ARHGAP35: variants seen among roughly 807,000 people sequenced by gnomAD.
ARHGAP35 encodes rho GTPase-activating protein 35.
Under a neutral mutation model 111.1 loss-of-function variants are expected in ARHGAP35, and 15 were observed. The observed-to-expected ratio is 0.13, with a 90% CI of 0.09 to 0.21. ARHGAP35 has a LOEUF of 0.21. Among genes scored for constraint, ARHGAP35 ranks in the 10% least tolerant of loss-of-function variants. The pLI is 1.00. For synonymous variants in ARHGAP35, 643 were observed against 710.3 expected (o/e 0.91, Z 1.51); for missense variants, 1,262 against 1,873.0 (o/e 0.67, Z 6.02).
At chr19:46,935,013 T>A (rs2056298225) in intron 2 of ARHGAP35, among the ~76,000 whole-genome samples, 1 of 152,228 alleles carries the variant, frequency 6.6e-6, no homozygotes, top group Admixed American at 6.5e-5. Context: ...TAGAAGATGC[T>A]AGAGACACAG....
chr19:46,940,604 CTT>C lies in ARHGAP35; in HGVS notation c.3826+3211_3826+3212del, dbSNP rs112571284. Reference sequence around the variant, plus strand: ...GTTCCTCAGCTTAGCTTTGTTTTCCCTTTTTTTTTTTTTTTTAATTTTTTGTA... The same window carrying C: ...GTTCCTCAGCTTAGCTTTGTTTTCCCTTTTTTTTTTTTTTAATTTTTTGTA... On this transcript the variant is annotated intron_variant, in intron 3 of 6. Transcript: ENST00000672722. Among the ~76,000 whole-genome samples, 746 of 139,904 alleles carry C rather than the reference CTT, an allele frequency of 5.3e-3. 9 individuals are homozygous for C. The highest frequency in any genetic ancestry group is 0.019 in the African/African-American group (723 of 38,394). 91.8% of individuals were successfully genotyped at this position (139,904 alleles called of 152,430 possible). A position where few individuals can be genotyped will look rare whatever the true frequency, so the allele number is the denominator to read the frequency against.
chr19:46,977,229 C>A (rs1159233252), intron 3 of ARHGAP35, among the ~76,000 whole-genome samples: 3 of 152,198 alleles, frequency 2.0e-5, no homozygotes, highest in Non-Finnish European at 4.4e-5. Flanking sequence ...GGTCTGGAGA[C>A]CAGACTTAAC....
intron 3 of ARHGAP35, among the ~76,000 whole-genome samples, chr19:46,959,381 T>C (rs1395891116): frequency 6.6e-6 from 1 of 151,012 alleles, no homozygotes; most frequent in Non-Finnish European, 1.5e-5. Context: ...TATTTATTTT[T>C]ATTTTATTTT....
rs1202067077 is a variant in ARHGAP35, at chr19:46,942,331, C to T, written c.3826+4923C>T. ...GCTTTCAACATTTTTTTAACATAGC[C>T]CTCTTAGATGAGGCAGAAGAGGCCG... On this transcript the variant is annotated intron_variant, in intron 3 of 6. Coordinates refer to ENST00000672722, the MANE Select transcript of ARHGAP35 (RefSeq NM_004491.5). Among the ~76,000 whole-genome samples, 8 of 151,952 alleles carry T rather than the reference C, an allele frequency of 5.3e-5. 1 individual carries two copies. The East Asian group carries it at 1.2e-3, about 22-fold the overall frequency.
intron 1 of ARHGAP35, among the ~76,000 whole-genome samples, chr19:46,912,394 G>C (rs2056141891): frequency 6.7e-6 from 1 of 150,038 alleles, no homozygotes; most frequent in Admixed American, 6.7e-5. Context: ...TTGCTCTGTC[G>C]CCCAGGCTGG....
chr19:46,883,947 C>T (rs1279856438), intron 1 of ARHGAP35, among the ~76,000 whole-genome samples: 2 of 151,940 alleles, frequency 1.3e-5, no homozygotes, highest in East Asian at 1.9e-4. Flanking sequence ...CCTACCTACT[C>T]GGGAGGCTGA....
At chr19:46,885,526 C>CCCT (rs1034084538) in intron 1 of ARHGAP35, among the ~76,000 whole-genome samples, 8 of 152,078 alleles carry the variant, frequency 5.3e-5, no homozygotes, top group African/African-American at 1.9e-4. Context: ...CTGCCCACCT[C>CCCT]CCTCCTCTCT....
intron 3 of ARHGAP35, among the ~76,000 whole-genome samples, chr19:46,941,752 G>C (rs1206478266): frequency 1.3e-5 from 2 of 150,684 alleles, no homozygotes; most frequent in Non-Finnish European, 3.0e-5. Flanking sequence ...TGGAGACAAA[G>C]TCTCACTATG....
chr19:46,890,770 T>G (rs1022369448), intron 1 of ARHGAP35, among the ~76,000 whole-genome samples: 1 of 152,240 alleles, frequency 6.6e-6, no homozygotes, highest in South Asian at 2.1e-4. Flanking sequence ...GACACATGTA[T>G]TCAAATGGAA....
At chr19:46,987,824 T>G (rs1480204874) in intron 3 of ARHGAP35, among the ~76,000 whole-genome samples, 165 bp from the exon 4 acceptor site, 1 of 152,172 alleles carries the variant, frequency 6.6e-6, no homozygotes. Flanking sequence ...GTCAGATGGG[T>G]TGAAGCATCT....
chr19:46,942,637 C>CAAAT (rs970729952), intron 3 of ARHGAP35, among the ~76,000 whole-genome samples: 10 of 149,678 alleles, frequency 6.7e-5, no homozygotes, highest in Admixed American at 2.0e-4. Context: ...ACTCTGTCTC[C>CAAAT]AAATAAATAA....
In ARHGAP35 at chr19:46,919,380, C is replaced by T. The variant is rs369569752; in HGVS notation, c.705C>T (p.Asn235=). ...VVETSARSNV[N]VDLAFSTLVQ... ...AGACCTCAGCGAGATCCAATGTAAA[C>T]GTGGACTTGGCTTTCAGCACCTTAG... Residue 235 remains asparagine (N), a synonymous_variant, in exon 2 of 7, where the codon AAC becomes AAT. Coordinates refer to ENST00000672722, the MANE Select transcript of ARHGAP35 (RefSeq NM_004491.5). This position sits in a 1 kb window ranked among gnomAD's most constrained non-coding sequence, Gnocchi z 6.2. The T allele has an allele frequency of 2.2e-4, 356 of 1,613,892 alleles. No homozygotes were observed. The highest frequency in any genetic ancestry group is 2.8e-4 in the Non-Finnish European group (325 of 1,179,874).
intron 5 of ARHGAP35, among the ~76,000 whole-genome samples, chr19:46,996,673 GT>G (rs2056710652): frequency 1.3e-5 from 2 of 152,288 alleles, no homozygotes; most frequent in Non-Finnish European, 2.9e-5. Flanking sequence ...AGAGACCTGT[GT>G]CCTCCTGTGC....
chr19:47,000,529 C>T lies in ARHGAP35; in HGVS notation c.4341C>T (p.Ala1447=). 6.2e-7 allele frequency: 1 copy of T among 1,613,562 alleles called. No homozygotes were observed. The highest frequency in any genetic ancestry group is 8.5e-7 in the Non-Finnish European group (1 of 1,179,878). The part of the protein sequence containing the change: ...YNRPITEPPG[A]RPSSPSAVAS... ...GGCCCATCACCGAGCCCCCCGGCGC[C>T]AGGCCCAGCTCCCCCTCTGCCGTGG... Residue 1447 remains alanine, a synonymous_variant, in exon 7 of 7, where the codon GCC becomes GCT. Coordinates refer to ENST00000672722, the MANE Select transcript of ARHGAP35 (RefSeq NM_004491.5). The surrounding 1 kb of genome is among the most constrained non-coding windows in gnomAD (Gnocchi z 6.9).
intron 3 of ARHGAP35, among the ~76,000 whole-genome samples, chr19:46,950,514 G>C (rs1286067765): frequency 6.6e-6 from 1 of 152,352 alleles, no homozygotes; most frequent in Middle Eastern, 3.4e-3. Flanking sequence ...CTCCAAGCAC[G>C]TATCAGTCCC....
intron 3 of ARHGAP35, among the ~76,000 whole-genome samples, chr19:46,967,227 TTCATTTGGAAGAAGGATTTTC>T (rs1317521848): frequency 5.9e-5 from 9 of 152,106 alleles, no homozygotes; most frequent in Admixed American, 2.6e-4. Context: ...AGTTTAAGAT[TTCATTTGGAAGAAGGATTTTC>T]TCACTCCTGA....
intron 3 of ARHGAP35, among the ~76,000 whole-genome samples, chr19:46,984,550 G>A (rs1201014553): frequency 6.6e-6 from 1 of 152,132 alleles, no homozygotes; most frequent in African/African-American, 2.4e-5. Flanking sequence ...TTTAATTGAT[G>A]TCTAATTAGT....
rs1437025131 is a variant in ARHGAP35, at chr19:46,908,514, A to G, written c.-188-9974A>G. ...TTGTTTTTCTTAATATAGGTAATCC[A>G]GAAATTATGCTAAATCAGTGAGAAA... On this transcript the variant is annotated intron_variant, in intron 1 of 6. Coordinates refer to ENST00000672722, the MANE Select transcript of ARHGAP35 (RefSeq NM_004491.5). The surrounding 1 kb of genome is among the most constrained non-coding windows in gnomAD (Gnocchi z 4.2). Among the ~76,000 whole-genome samples, 3 of 152,188 alleles carry G rather than the reference A, an allele frequency of 2.0e-5. No individual in the cohort carries two copies. The highest frequency in any genetic ancestry group is 4.4e-5 in the Non-Finnish European group (3 of 68,052).
At chr19:46,891,628 T>C (rs1439799439) in intron 1 of ARHGAP35, among the ~76,000 whole-genome samples, 2 of 152,034 alleles carry the variant, frequency 1.3e-5, no homozygotes, top group African/African-American at 4.8e-5. Flanking sequence ...AGTTTCACCA[T>C]GTTGGCCAGG....
Sources: allele counts gnomAD v4.1 joint callset (sites outside exome capture counted in the v4.1 genomes callset), GRCh38; gene constraint gnomAD v4.1.1; non-coding constraint Gnocchi (gnomAD v3.1); transcripts MANE v1.5; gene names NCBI Gene and HGNC (gene_info 2026-07-23, HGNC 2026-07-21).